Variants in TBX15 observed in about 807,000 individuals in gnomAD.
TBX15 encodes the protein T-box transcription factor 15, also known as T-box transcription factor TBX15.
Under a neutral mutation model 53.9 loss-of-function variants are expected in TBX15, and 18 were observed. That is an observed-to-expected ratio of 0.33 (90% confidence interval 0.23 to 0.49). TBX15 has a LOEUF of 0.49. Ranked by LOEUF, TBX15 falls within the 20% of genes least tolerant of loss-of-function variation. The probability of loss-of-function intolerance (pLI) is 0.98; values close to 1 mark genes in which losing one functional copy is unlikely to be tolerated. For missense variants in TBX15, 692 were observed against 749.5 expected, an observed-to-expected ratio of 0.92 and a Z score of 0.90; for synonymous variants, 295 against 278.0, an observed-to-expected ratio of 1.06 and a Z score of -0.61.
In TBX15 at chr1:118,982,377, G is replaced by A. The variant is rs369290977; in HGVS notation, c.205+5214C>T. On this transcript the variant is annotated intron_variant, in intron 1 of 7. Transcript: ENST00000369429. ...CTTATAATTTTTTTGGCAATAGAAC[G>A]ATTGTGATGGACCGGAAATATTTCA... is the stretch of plus-strand genomic sequence containing the variant. Among the ~76,000 whole-genome samples, 39 of 152,304 alleles carry A rather than the reference G, an allele frequency of 2.6e-4. 3 individuals are homozygous for A. The highest frequency in any genetic ancestry group is 1.3e-3 in the Admixed American group (20 of 15,302).
At chr1:118,928,037 C>T (rs920787583) in intron 2 of TBX15, among the ~76,000 whole-genome samples, 4 of 152,146 alleles carry the variant, frequency 2.6e-5, no homozygotes, top group Non-Finnish European at 4.4e-5. Flanking sequence ...CATTTCATGG[C>T]CATAGACCAT....
chr1:118,942,071 G>T (rs1656194939), intron 1 of TBX15, among the ~76,000 whole-genome samples: 1 of 152,182 alleles, frequency 6.6e-6, no homozygotes, highest in Non-Finnish European at 1.5e-5. Flanking sequence ...AAGAGAAATG[G>T]CAACAAAATC....
intron 1 of TBX15, among the ~76,000 whole-genome samples, chr1:118,968,786 C>G (rs1657137577): frequency 6.6e-6 from 1 of 152,122 alleles, no homozygotes; most frequent in Non-Finnish European, 1.5e-5. Flanking sequence ...ACTTGGATTA[C>G]AGTCTACAGT....
chr1:118,922,231 G>T (rs894469488), intron 5 of TBX15, among the ~76,000 whole-genome samples: 2 of 152,178 alleles, frequency 1.3e-5, no homozygotes, highest in Non-Finnish European at 2.9e-5. Context: ...AGCACATCAT[G>T]AATTCACCAA....
intron 5 of TBX15, among the ~76,000 whole-genome samples, chr1:118,914,807 A>G (rs1040781734): frequency 9.9e-5 from 15 of 152,210 alleles, no homozygotes; most frequent in African/African-American, 3.4e-4. Context: ...AAAATCTACA[A>G]TGTGAGACTG....
At chr1:118,962,626 A>C (rs1212340875) in intron 1 of TBX15, among the ~76,000 whole-genome samples, 1 of 152,200 alleles carries the variant, frequency 6.6e-6, no homozygotes, top group African/African-American at 2.4e-5. Context: ...GTGCTCTCAA[A>C]AATGGCCAAA....
intron 5 of TBX15, among the ~76,000 whole-genome samples, chr1:118,916,793 G>A (rs955460395): frequency 6.6e-6 from 1 of 152,034 alleles, no homozygotes; most frequent in African/African-American, 2.4e-5. Flanking sequence ...TTGAACCCAG[G>A]AAGTGGGAGC....
intron 7 of TBX15, among the ~76,000 whole-genome samples, chr1:118,889,828 G>A (rs1208730968): frequency 6.6e-6 from 1 of 151,994 alleles, no homozygotes; most frequent in Non-Finnish European, 1.5e-5. Flanking sequence ...AGTAGAGATA[G>A]GGTCTCACTA....
intron 5 of TBX15, among the ~76,000 whole-genome samples, chr1:118,921,581 A>C (rs1655425155): frequency 6.6e-6 from 1 of 152,268 alleles, no homozygotes; most frequent in South Asian, 2.1e-4. Flanking sequence ...TGCTCAGAGC[A>C]ACATGTGTAA....
intron 1 of TBX15, among the ~76,000 whole-genome samples, chr1:118,959,505 A>G (rs1571206359): frequency 6.6e-6 from 1 of 152,146 alleles, no homozygotes; most frequent in South Asian, 2.1e-4. Flanking sequence ...CTGGAAAAAA[A>G]CACATCAGCC....
At chr1:118,978,142 G>A (rs1260060821) in intron 1 of TBX15, among the ~76,000 whole-genome samples, 1 of 152,156 alleles carries the variant, frequency 6.6e-6, no homozygotes, top group Non-Finnish European at 1.5e-5. Context: ...CACAAGGACT[G>A]GAAATCACTG....
intron 5 of TBX15, among the ~76,000 whole-genome samples, chr1:118,920,273 C>G (rs1459067727): frequency 6.6e-6 from 1 of 152,044 alleles, no homozygotes; most frequent in Non-Finnish European, 1.5e-5. Flanking sequence ...GAGTGCAGTC[C>G]CCTAACAGTT....
At chr1:118,959,848 CT>C (rs1656806812) in intron 1 of TBX15, among the ~76,000 whole-genome samples, 1 of 152,156 alleles carries the variant, frequency 6.6e-6, no homozygotes, top group South Asian at 2.1e-4. Context: ...GAGCCAATTT[CT>C]CCTCCTTGTA....
At chr1:118,974,194 G>C (rs190480310) in intron 1 of TBX15, among the ~76,000 whole-genome samples, 2 of 152,140 alleles carry the variant, frequency 1.3e-5, no homozygotes, top group Admixed American at 1.3e-4. Context: ...GGGTTCCTTA[G>C]GAAAGGAAAT....
chr1:118,924,575 C>T (rs965330908), intron 4 of TBX15, 71 bp downstream of exon 4: 6 of 1,585,826 alleles, frequency 3.8e-6, no homozygotes, highest in East Asian at 4.5e-5. Context: ...TTGAAAAAGA[C>T]TGGGGCTAGC....
Position 118,899,984 on chromosome 1 carries a change from T to A in TBX15, c.927-859A>T, listed in dbSNP as rs184385729. Reference sequence around the variant, plus strand: ...TCTAACACATATGCAAGTGCTGATATACATCATTTTCACATGATTATTGAG... The same window carrying A: ...TCTAACACATATGCAAGTGCTGATAAACATCATTTTCACATGATTATTGAG... On this transcript the variant is annotated intron_variant, in intron 6 of 7. Coordinates refer to ENST00000369429, the MANE Select transcript of TBX15 (RefSeq NM_001330677.2). Among the ~76,000 whole-genome samples, 70 of 152,354 alleles carry A rather than the reference T, an allele frequency of 4.6e-4. 1 individual carries two copies. Among genetic ancestry groups the A allele is most frequent in the African/African-American group, 1.7e-3 (70 of 41,594 alleles).
intron 1 of TBX15, among the ~76,000 whole-genome samples, chr1:118,981,094 C>T (rs1657631365): frequency 6.6e-6 from 1 of 152,172 alleles, no homozygotes; most frequent in Non-Finnish European, 1.5e-5. Flanking sequence ...CCTCGGCCTC[C>T]CAAAGTGCTG....
chr1:118,891,020 AT>A, intron 7 of TBX15: 1 of 1,073,644 alleles, frequency 9.3e-7, no homozygotes. Flanking sequence ...ATCCCAGAGA[AT>A]AAACCCAGAG....
intron 1 of TBX15, among the ~76,000 whole-genome samples, chr1:118,963,147 A>T (rs945194113): frequency 6.6e-6 from 1 of 152,240 alleles, no homozygotes; most frequent in African/African-American, 2.4e-5. Flanking sequence ...TAAGTAAATA[A>T]AATAATCCAT....
Sources: gnomAD v4.1 joint callset for allele counts (sites outside exome capture counted in the v4.1 genomes callset) on GRCh38, gnomAD v4.1.1 for gene constraint, MANE v1.5 for transcripts, NCBI Gene and HGNC (gene_info 2026-07-23, HGNC 2026-07-21) for gene names.